The following RSPH9 variants were observed in gnomAD, a reference collection of about 807,000 sequenced individuals.
The protein encoded by RSPH9 is radial spoke head component 9.
A neutral mutation model predicts 27.0 loss-of-function variants in RSPH9; 27 were observed. The ratio of observed to expected loss-of-function variants is 1.00; its 90% CI spans 0.74 to 1.38. The LOEUF is 1.38. RSPH9 is among the 40% of genes most tolerant of loss of function. RSPH9 has a pLI of 0.00. For synonymous variants in RSPH9, 145 were observed against 147.7 expected (o/e 0.98, Z 0.13); for missense variants, 347 against 357.4 (o/e 0.97, Z 0.24).
intron 4 of RSPH9, among the ~76,000 whole-genome samples, chr6:43,669,282 C>A (rs950877635): frequency 9.9e-5 from 15 of 152,178 alleles, no homozygotes; most frequent in Non-Finnish European, 1.5e-5. Flanking sequence ...GTGAGCTTTG[C>A]GATTGGCTTC....
At position 43,656,024 on chromosome 6, in the gene RSPH9, CCTTCCTTCCTTCCCCTTCTTT is replaced by C. The variant is rs1201039756; in HGVS notation, c.523+335_523+355del. ...TCCTTCCTTCCTTCCTTCCTTCCTTCCTTCCTTCCTTCCCCTTCTTTCCCTTCTTTCCCTTCTTTCCCTCCT... is the reference window on the plus strand; with the variant it reads ...TCCTTCCTTCCTTCCTTCCTTCCTTCCCCTTCTTTCCCTTCTTTCCCTCCT... On this transcript the variant is annotated intron_variant, in intron 3 of 4. Transcript: ENST00000372163. Among the ~76,000 whole-genome samples the C allele has an allele frequency of 1.0e-3, 138 of 132,070 alleles. 1 individual carries two copies. The highest frequency in any genetic ancestry group is 2.8e-3 in the African/African-American group (79 of 27,946). The allele number at this position is 132,070 out of a possible 152,430, so 86.6% of individuals were successfully genotyped here. A position where few individuals can be genotyped will look rare whatever the true frequency, so the allele number is the denominator to read the frequency against.
intron 4 of RSPH9, among the ~76,000 whole-genome samples, chr6:43,662,370 CT>C (rs202057084): frequency 0.011 from 1,556 of 143,630 alleles, 50 homozygotes; most frequent in East Asian, 0.068. Context: ...GTTTCACTTT[CT>C]TTTTTTTTTT....
At chr6:43,659,167 T>C (rs1002478493) in intron 4 of RSPH9, among the ~76,000 whole-genome samples, 8 of 152,208 alleles carry the variant, frequency 5.3e-5, no homozygotes, top group African/African-American at 1.9e-4. Flanking sequence ...GCTACACTTC[T>C]GAATTCTAGT....
Position 43,671,134 on chromosome 6 carries a change from C to T in RSPH9, c.*185C>T. The T allele has an allele frequency of 1.5e-6, 1 of 680,536 alleles. No homozygotes were observed. The highest frequency in any genetic ancestry group is 2.5e-6 in the Non-Finnish European group (1 of 400,248). 42.2% of individuals were successfully genotyped at this position (680,536 alleles called of 1,614,324 possible). ...CAAGTGGCAGAGGGGTTGGAATGTG[C>T]TAATGAAAGAGATTCTAGACAACGA... is the stretch of plus-strand genomic sequence containing the variant. On this transcript the variant is annotated 3_prime_UTR_variant, in exon 5 of 5. Transcript: ENST00000372163.
chr6:43,670,196 C>G (rs940324322), intron 4 of RSPH9, among the ~76,000 whole-genome samples: 1 of 152,216 alleles, frequency 6.6e-6, no homozygotes, highest in Non-Finnish European at 1.5e-5. Context: ...AGCCTCCTCC[C>G]CCACTCAACC....
At chr6:43,658,291 C>CAA (rs58592648) in intron 4 of RSPH9, among the ~76,000 whole-genome samples, 50 of 24,518 alleles carry the variant, frequency 2.0e-3, no homozygotes, top group Non-Finnish European at 3.3e-3. Flanking sequence ...AACTCCGTCT[C>CAA]AAAAAAAAAA....
In RSPH9 at chr6:43,650,429, G is replaced by T; in HGVS notation, c.282G>T (p.Ala94=). The T allele has an allele frequency of 6.2e-7, 1 of 1,614,038 alleles. No individual in the cohort carries two copies. The highest frequency in any genetic ancestry group is 1.3e-5 in the African/African-American group (1 of 75,036). ...LLPPATEEMV[A]QSSVVKGRFM... ...CCCCTGCCACAGAGGAGATGGTGGC[G>T]CAGTCGTCTGTGGTGAAGGGCCGCT... The change falls in exon 2 of 5, where the codon GCG becomes GCT. Residue 94 remains alanine, a synonymous_variant. Transcript: ENST00000372163.
intron 4 of RSPH9, among the ~76,000 whole-genome samples, chr6:43,660,310 C>A (rs143553558): frequency 6.6e-6 from 1 of 151,974 alleles, no homozygotes; most frequent in South Asian, 2.1e-4. Flanking sequence ...CAAAATGTTG[C>A]GATTACAGGT....
chr6:43,666,833 T>C (rs940291657), intron 4 of RSPH9, among the ~76,000 whole-genome samples: 1 of 152,184 alleles, frequency 6.6e-6, no homozygotes, highest in Non-Finnish European at 1.5e-5. Flanking sequence ...TTACAACCTC[T>C]GCCTCCTGGG....
In RSPH9 at chr6:43,672,053, C is replaced by T. The variant is rs1251238503; in HGVS notation, c.*1104C>T. ...CCCTTTCCTGAAGTGCAGGGATTTT[C>T]CTGGGAGTAACTGCTGAGCGTCCTG... On this transcript the variant is annotated 3_prime_UTR_variant, in exon 5 of 5. Coordinates refer to ENST00000372163, the MANE Select transcript of RSPH9 (RefSeq NM_152732.5). The T allele has an allele frequency of 2.1e-6, 2 of 971,238 alleles. No homozygotes were observed. The highest frequency in any genetic ancestry group is 1.5e-6 in the Non-Finnish European group (1 of 673,936). 60.2% of individuals were successfully genotyped at this position (971,238 alleles called of 1,614,324 possible).
intron 3 of RSPH9, 32 bp from the exon 4 acceptor site, chr6:43,656,545 C>T (rs370191180): frequency 1.9e-6 from 3 of 1,613,918 alleles, no homozygotes; most frequent in African/African-American, 1.3e-5. Flanking sequence ...TTTGGGCTAA[C>T]CATCATTTTC....
At chr6:43,645,358 G>T in intron 1 of RSPH9, 33 bp downstream of exon 1, 3 of 1,544,690 alleles carry the variant, frequency 1.9e-6, no homozygotes, top group Non-Finnish European at 2.7e-6. Context: ...CTCCCCAGAG[G>T]GTGGCTACCT....
At chr6:43,646,934 G>C (rs1770934739) in intron 1 of RSPH9, among the ~76,000 whole-genome samples, 1 of 146,572 alleles carries the variant, frequency 6.8e-6, no homozygotes, top group Admixed American at 6.9e-5. Flanking sequence ...CAGCCTGGGT[G>C]ACAGAGTGAG....
At chr6:43,666,411 T>C in intron 4 of RSPH9, 1 of 1,546,096 alleles carries the variant, frequency 6.5e-7, no homozygotes, top group South Asian at 1.2e-5. Flanking sequence ...TTAGGATAAC[T>C]GTTTCCTTTC....
At chr6:43,654,561 G>T (rs1025603181) in intron 2 of RSPH9, among the ~76,000 whole-genome samples, 1 of 152,140 alleles carries the variant, frequency 6.6e-6, no homozygotes, top group Non-Finnish European at 1.5e-5. Flanking sequence ...AGTGGCTCAC[G>T]CCTATAATCC....
intron 4 of RSPH9, among the ~76,000 whole-genome samples, chr6:43,669,200 G>A (rs1465276631): frequency 6.6e-6 from 1 of 152,166 alleles, no homozygotes; most frequent in Non-Finnish European, 1.5e-5. Flanking sequence ...GGCACTGTGT[G>A]GGCTGGAGGG....
Position 43,671,858 on chromosome 6 carries a change from T to G in RSPH9, c.*909T>G. ...TGCGCACCCTGTTCCAGCGGGGGCC[T>G]TTTTTGTAGATGGGCTTGACGGAGC... On this transcript the variant is annotated 3_prime_UTR_variant, in exon 5 of 5. Transcript: ENST00000372163. 1 of 1,613,200 alleles carries G rather than the reference T, an allele frequency of 6.2e-7. No homozygotes were observed. Among genetic ancestry groups the G allele is most frequent in the Non-Finnish European group, 8.5e-7 (1 of 1,179,576 alleles).
At chr6:43,647,996 G>A (rs894111561) in intron 1 of RSPH9, among the ~76,000 whole-genome samples, 5 of 152,186 alleles carry the variant, frequency 3.3e-5, no homozygotes, top group African/African-American at 4.8e-5. Flanking sequence ...TGGGCCGGGC[G>A]CAGTGGCTCA....
intron 3 of RSPH9, among the ~76,000 whole-genome samples, chr6:43,655,988 A>ACTTACTTCCTTCCTTCCTTC (rs745382908): frequency 2.6e-5 from 3 of 113,616 alleles, no homozygotes; most frequent in African/African-American, 7.0e-5. Flanking sequence ...TCCTCCTTGG[A>ACTTACTTCCTTCCTTCCTTC]CTTCCTTCCT....
Sources: gnomAD v4.1 joint callset for allele counts (sites outside exome capture counted in the v4.1 genomes callset) on GRCh38, gnomAD v4.1.1 for gene constraint, MANE v1.5 for transcripts, NCBI Gene and HGNC (gene_info 2026-07-23, HGNC 2026-07-21) for gene names.